Variants in FSTL4 observed in about 807,000 individuals in gnomAD.
FSTL4 encodes the protein follistatin like 4, also known as follistatin-related protein 4.
Under a neutral mutation model 78.2 loss-of-function variants are expected in FSTL4, and 28 were observed. That is an observed-to-expected ratio of 0.36 (90% confidence interval 0.27 to 0.49). The LOEUF (loss-of-function observed/expected upper bound fraction) is 0.49. Ranked by LOEUF, FSTL4 falls within the 20% of genes least tolerant of loss-of-function variation. FSTL4 has a pLI of 0.98. For synonymous variants in FSTL4, 422 were observed against 440.5 expected (o/e 0.96, Z 0.53); for missense variants, 922 against 1,084.9 (o/e 0.85, Z 2.11).
intron 4 of FSTL4, among the ~76,000 whole-genome samples, chr5:133,372,080 G>C (rs29552): frequency 0.9 from 136,629 of 152,242 alleles, 61,456 homozygotes; most frequent in Admixed American, 0.94. Context: ...GGCCGAACAT[G>C]TGCCTGCTGG....
At chr5:133,702,896 C>A in the FSTL4 span, among the ~76,000 whole-genome samples, 1 of 152,162 alleles carries the variant, frequency 6.6e-6, no homozygotes, top group African/African-American at 2.4e-5. Context: ...GCAAACAGGG[C>A]AGCACATACC....
At chr5:133,816,328 G>A in the FSTL4 span, among the ~76,000 whole-genome samples, 1 of 152,182 alleles carries the variant, frequency 6.6e-6, no homozygotes, top group African/African-American at 2.4e-5. Flanking sequence ...CTGACAGTGT[G>A]GAGTCAGGTG....
the FSTL4 span, among the ~76,000 whole-genome samples, chr5:133,733,046 A>T: frequency 6.6e-6 from 1 of 152,226 alleles, no homozygotes; most frequent in Non-Finnish European, 1.5e-5. Context: ...GCTTCAGCCC[A>T]TGGGAGTTTC....
chr5:133,370,478 CA>C (rs1163848126), intron 4 of FSTL4, among the ~76,000 whole-genome samples: 2 of 151,972 alleles, frequency 1.3e-5, no homozygotes, highest in African/African-American at 4.8e-5. Flanking sequence ...GGAGGATACC[CA>C]AAGTAAGACA....
intron 3 of FSTL4, among the ~76,000 whole-genome samples, chr5:133,541,507 A>C (rs1310511703): frequency 2.0e-5 from 3 of 152,206 alleles, no homozygotes; most frequent in Non-Finnish European, 2.9e-5. Flanking sequence ...CCCAGGTTCA[A>C]GACGAGGGGA....
At chr5:133,684,130 G>A in the FSTL4 span, among the ~76,000 whole-genome samples, 3 of 152,210 alleles carry the variant, frequency 2.0e-5, no homozygotes, top group Non-Finnish European at 4.4e-5. Flanking sequence ...GCTACTGCTC[G>A]GGCATTAAAG....
rs373798069 is a variant in FSTL4, at chr5:133,321,190, T to TG, written c.410-4539dup. Among the ~76,000 whole-genome samples, 463 of 152,248 alleles carry TG rather than the reference T, an allele frequency of 3.0e-3. 4 individuals are homozygous for TG. The highest frequency in any genetic ancestry group is 0.01 in the African/African-American group (419 of 41,538). Reference sequence around the variant, plus strand: ...AGGGGACTTCAGCAGCACTGATCACTGGGCATGCTCCTGCCCAGGGGCCTG... The same window carrying TG: ...AGGGGACTTCAGCAGCACTGATCACTGGGGCATGCTCCTGCCCAGGGGCCTG... On this transcript the variant is annotated intron_variant, in intron 4 of 15. Coordinates refer to ENST00000265342, the MANE Select transcript of FSTL4 (RefSeq NM_015082.2).
chr5:133,451,033 G>A (rs1309924270), intron 3 of FSTL4, among the ~76,000 whole-genome samples: 1 of 152,104 alleles, frequency 6.6e-6, no homozygotes, highest in African/African-American at 2.4e-5. Flanking sequence ...AACTGGGAGA[G>A]GAAGAAGAAT....
At chr5:133,821,243 C>T in the FSTL4 span, among the ~76,000 whole-genome samples, 2 of 152,306 alleles carry the variant, frequency 1.3e-5, no homozygotes, top group African/African-American at 4.8e-5. Flanking sequence ...AACATCATGC[C>T]TTCAGCAAAA....
the FSTL4 span, among the ~76,000 whole-genome samples, chr5:133,737,305 T>A: frequency 6.7e-6 from 1 of 148,384 alleles, no homozygotes; most frequent in Non-Finnish European, 1.5e-5. Flanking sequence ...TCTATGTCCA[T>A]GAATTCAATT....
chr5:133,213,712 CAGGT>C (rs1265223794), intron 13 of FSTL4, among the ~76,000 whole-genome samples: 2 of 151,960 alleles, frequency 1.3e-5, no homozygotes, highest in African/African-American at 4.8e-5. Flanking sequence ...GCAACATAAA[CAGGT>C]AGGTCAAATA....
At chr5:133,467,283 A>T (rs57208724) in intron 3 of FSTL4, among the ~76,000 whole-genome samples, 1,934 of 137,116 alleles carry the variant, frequency 0.014, 43 homozygotes, top group African/African-American at 0.055. Context: ...TGTGTGTGTG[A>T]GTGTGTATGT....
the FSTL4 span, among the ~76,000 whole-genome samples, chr5:133,684,745 A>G: frequency 6.6e-6 from 1 of 152,210 alleles, no homozygotes; most frequent in Non-Finnish European, 1.5e-5. Flanking sequence ...TAACTGGTGC[A>G]TGGATATCAC....
intron 3 of FSTL4, among the ~76,000 whole-genome samples, chr5:133,564,691 A>G (rs1759989492): frequency 6.6e-6 from 1 of 151,098 alleles, no homozygotes; most frequent in Admixed American, 6.6e-5. Flanking sequence ...TGGATTTGAC[A>G]AGGATGAGGG....
chr5:133,264,827 A>C (rs1752608803), intron 6 of FSTL4, among the ~76,000 whole-genome samples: 1 of 152,142 alleles, frequency 6.6e-6, no homozygotes, highest in South Asian at 2.1e-4. Context: ...GCCATCTGTC[A>C]GTTTGGAAAT....
At chr5:133,740,115 C>G in the FSTL4 span, among the ~76,000 whole-genome samples, 1 of 152,084 alleles carries the variant, frequency 6.6e-6, no homozygotes, top group Non-Finnish European at 1.5e-5. Flanking sequence ...GAGTCGTGCA[C>G]TCAAGCAATC....
the FSTL4 span, among the ~76,000 whole-genome samples, chr5:133,780,497 T>G: frequency 2.7e-5 from 4 of 150,468 alleles, no homozygotes; most frequent in Admixed American, 1.3e-4. Context: ...GTCTCCTGTG[T>G]ATTGTTGGGG....
At chr5:133,292,179 A>C (rs1228376777) in intron 6 of FSTL4, among the ~76,000 whole-genome samples, 1 of 152,088 alleles carries the variant, frequency 6.6e-6, no homozygotes, top group East Asian at 1.9e-4. Flanking sequence ...TTCTTTCTCC[A>C]TCTCTGACCC....
intron 6 of FSTL4, among the ~76,000 whole-genome samples, chr5:133,254,649 G>A (rs554730630): frequency 2.0e-5 from 3 of 152,220 alleles, no homozygotes; most frequent in East Asian, 1.9e-4. Flanking sequence ...GCAGATAGCC[G>A]CAGTCATACA....
Sources: allele counts gnomAD v4.1 joint callset (sites outside exome capture counted in the v4.1 genomes callset), GRCh38; gene constraint gnomAD v4.1.1; transcripts MANE v1.5; gene names NCBI Gene and HGNC (gene_info 2026-07-23, HGNC 2026-07-21).